Variants in PRSS55 observed in about 807,000 individuals in gnomAD.
PRSS55 encodes serine protease 55.
PRSS55 carries 41 observed loss-of-function variants against 23.6 expected under a neutral mutation model. The observed-to-expected ratio is 1.74, with a 90% CI of 1.35 to 2.26. The LOEUF (loss-of-function observed/expected upper bound fraction) is 2.26. Among genes scored for constraint, PRSS55 ranks in the 30% most tolerant of loss-of-function variants. PRSS55 has a pLI of 0.00. For synonymous variants in PRSS55, 262 were observed against 175.5 expected (o/e 1.49, Z -3.90); for missense variants, 669 against 439.1 (o/e 1.52, Z -4.68).
intron 2 of PRSS55, 23 bp from the exon 3 acceptor site, chr8:10,531,272 C>CCT: frequency 6.2e-7 from 1 of 1,611,448 alleles, no homozygotes; most frequent in South Asian, 1.1e-5. Context: ...TCCACTTGCC[C>CCT]CTCTCTGGTT....
At chr8:10,544,897 TTA>T in intron 4 of PRSS55, 2 of 527,806 alleles carry the variant, frequency 3.8e-6, no homozygotes, top group South Asian at 1.7e-4. Context: ...TTATTTAACT[TTA>T]TGTCTCATAG....
chr8:10,545,979 C>A (rs1477231707), intron 4 of PRSS55, among the ~76,000 whole-genome samples: 1 of 152,166 alleles, frequency 6.6e-6, no homozygotes, highest in African/African-American at 2.4e-5. Context: ...AGAGCGCTGT[C>A]CTCAGATTAC....
chr8:10,540,070 G>T (rs541964158), downstream of PRSS55, among the ~76,000 whole-genome samples: 3 of 152,256 alleles, frequency 2.0e-5, no homozygotes, highest in Admixed American at 6.5e-5. Context: ...GCTTTCAGCT[G>T]ACCTCCCTCC....
rs200221119 is a variant in PRSS55, at chr8:10,525,715, C to T, written c.130C>T (p.Pro44Ser). 1.3e-4 allele frequency: 204 copies of T among 1,611,218 alleles called. No individual in the cohort carries two copies. The East Asian group carries it at 2.5e-3, about 20-fold the overall frequency. Reference sequence around the variant, plus strand: ...TAGGGGAGCCCACCGCCCTCAGCCCCCTCATCCCCCCAGCCCAGTCAGTGG... The same window carrying T: ...TAGGGGAGCCCACCGCCCTCAGCCCTCTCATCCCCCCAGCCCAGTCAGTGG... Reference protein sequence around the residue: ...RARGAHRPQPPHPPSPVSECG... With the variant: ...RARGAHRPQPSHPPSPVSECG... Residue 44 changes from proline to serine, a missense_variant, in exon 1 of 5, where the codon CCT becomes TCT. By Grantham distance (74) the Pro-to-Ser change is moderately conservative (BLOSUM62 -1). Transcript: ENST00000328655.
At chr8:10,533,101 G>A (rs951876124) in intron 4 of PRSS55, 53 bp downstream of exon 4, 2 of 1,580,822 alleles carry the variant, frequency 1.3e-6, no homozygotes, top group African/African-American at 1.3e-5. Context: ...TCTGGGAACT[G>A]CCAGTGCAAG....
rs535571868 is a variant in PRSS55, at chr8:10,551,108, C to G, written c.742-2835C>G. 7.2e-5 allele frequency among the ~76,000 whole-genome samples: 11 copies of G among 152,282 alleles called. 1 individual carries two copies. The South Asian group carries it at 2.3e-3, about 32-fold the overall frequency. On this transcript the variant is annotated intron_variant, in intron 4 of 4. Coordinates refer to the PRSS55 transcript ENST00000522210. ...ATGAGCTTTGAGCACTTTCCAAGAC[C>G]CCTTCCTTCTGAGAGGGCAGTGGAA...
intron 4 of PRSS55, chr8:10,553,902 T>C (rs1332993234): frequency 2.2e-6 from 3 of 1,356,644 alleles, no homozygotes; most frequent in South Asian, 2.7e-5. Flanking sequence ...AATAAATACA[T>C]AAAATTTTTT....
intron 1 of PRSS55, among the ~76,000 whole-genome samples, chr8:10,527,587 G>A (rs1277285785): frequency 6.6e-6 from 1 of 152,198 alleles, no homozygotes; most frequent in African/African-American, 2.4e-5. Flanking sequence ...TTGGGCGTAG[G>A]GAGGAAGTGA....
At position 10,531,535 on chromosome 8, in the gene PRSS55, G is replaced by T; in HGVS notation, c.588G>T (p.Gln196His). Residue 196 changes from glutamine to histidine, a missense_variant, in exon 3 of 5, where the codon CAG (glutamine) becomes CAT (histidine). Gln to His is a conservative substitution (Grantham distance 24). Transcript: ENST00000328655. ...WRECWVAGWG[Q>H]TNAADKNSVK... ...AATGCTGGGTGGCAGGTTGGGGCCA[G>T]ACCAATGCTGGTATGTGACTGCTCA... is the stretch of plus-strand genomic sequence containing the variant. The T allele has an allele frequency of 1.2e-6, 2 of 1,613,506 alleles. No homozygotes were observed. Among genetic ancestry groups the T allele is most frequent in the South Asian group, 2.2e-5 (2 of 91,018 alleles).
At chr8:10,526,205 C>T (rs988423651) in intron 1 of PRSS55, among the ~76,000 whole-genome samples, 1 of 152,182 alleles carries the variant, frequency 6.6e-6, no homozygotes, top group Admixed American at 6.5e-5. Context: ...TTCAGGGATG[C>T]TGGGGTACCT....
At chr8:10,525,780 G>A (rs543271361) in intron 1 of PRSS55, 41 bp downstream of exon 1, 1 of 1,541,210 alleles carries the variant, frequency 6.5e-7, no homozygotes, top group South Asian at 1.2e-5. Context: ...GGGGCTCATG[G>A]TCCAGCTGAC....
At chr8:10,531,258 C>A in intron 2 of PRSS55, 37 bp from the exon 3 acceptor site, 1 of 1,609,286 alleles carries the variant, frequency 6.2e-7, no homozygotes, top group Non-Finnish European at 8.5e-7. Context: ...ACTTCCCTTC[C>A]CCTTCCACTT....
chr8:10,537,857 C>A (rs1014148890), intron 4 of PRSS55, among the ~76,000 whole-genome samples: 2 of 152,128 alleles, frequency 1.3e-5, no homozygotes, highest in African/African-American at 4.8e-5. Flanking sequence ...TGAAGGTGGA[C>A]GGAAGGATGT....
chr8:10,534,027 G>T (rs1441600996), intron 4 of PRSS55, among the ~76,000 whole-genome samples: 1 of 152,106 alleles, frequency 6.6e-6, no homozygotes, highest in African/African-American at 2.4e-5. Context: ...ATAGCACTAG[G>T]TTTAGGAGCC....
chr8:10,546,574 G>A (rs1368482631), intron 4 of PRSS55, among the ~76,000 whole-genome samples: 2 of 152,204 alleles, frequency 1.3e-5, no homozygotes, highest in African/African-American at 2.4e-5. Flanking sequence ...ACTTGGCTCT[G>A]CAGGGCAGCC....
intron 4 of PRSS55, among the ~76,000 whole-genome samples, chr8:10,534,369 G>A (rs991308966): frequency 2.4e-4 from 36 of 152,156 alleles, no homozygotes; most frequent in Non-Finnish European, 4.3e-4. Flanking sequence ...AACATTAACT[G>A]TCCTCCCTGA....
chr8:10,533,420 C>A (rs938222749), intron 4 of PRSS55, among the ~76,000 whole-genome samples: 1 of 152,090 alleles, frequency 6.6e-6, no homozygotes, highest in Non-Finnish European at 1.5e-5. Flanking sequence ...CATACAAGGC[C>A]CTAGAGACCC....
chr8:10,546,776 C>T (rs979640458), intron 4 of PRSS55, among the ~76,000 whole-genome samples: 15 of 152,178 alleles, frequency 9.9e-5, no homozygotes, highest in Non-Finnish European at 1.5e-5. Flanking sequence ...CTCACCCTTC[C>T]AGGCTCAAGT....
chr8:10,546,735 G>C (rs1812827895), intron 4 of PRSS55, among the ~76,000 whole-genome samples: 1 of 152,128 alleles, frequency 6.6e-6, no homozygotes, highest in African/African-American at 2.4e-5. Flanking sequence ...TCAGGCAGAA[G>C]TTCAGTGGCC....
Sources: gnomAD v4.1 joint callset for allele counts (sites outside exome capture counted in the v4.1 genomes callset) on GRCh38, gnomAD v4.1.1 for gene constraint, MANE v1.5 for transcripts, NCBI Gene and HGNC (gene_info 2026-07-23, HGNC 2026-07-21) for gene names.